Variants in CFAP57 observed in about 807,000 individuals in gnomAD.
The protein encoded by CFAP57 is cilia- and flagella-associated protein 57.
In CFAP57, 116 loss-of-function variants were observed where a neutral mutation model predicts 146.8. That is an observed-to-expected ratio of 0.79 (90% CI 0.68 to 0.92). CFAP57 has a LOEUF of 0.92. Ranked by LOEUF, CFAP57 falls within the 40% of genes least tolerant of loss-of-function variation. The pLI is 0.00. For synonymous variants in CFAP57, 518 were observed against 552.8 expected, an observed-to-expected ratio of 0.94 and a Z score of 0.88; for missense variants, 1,377 against 1,527.2, an observed-to-expected ratio of 0.90 and a Z score of 1.64.
At chr1:43,224,282 G>A in intron 17 of CFAP57, 78 bp downstream of exon 17, 1 of 1,420,668 alleles carries the variant, frequency 7.0e-7, no homozygotes, top group South Asian at 1.6e-5. Flanking sequence ...GGGGAGAGAG[G>A]GTCCCTAGCT....
At chr1:43,206,655 C>T in intron 9 of CFAP57, 65 bp from the exon 10 acceptor site, 1 of 1,579,058 alleles carries the variant, frequency 6.3e-7, no homozygotes, top group South Asian at 1.1e-5. Context: ...GAGTTTGCAC[C>T]CTTTTCTGTG....
chr1:43,210,274 A>G (rs1644545515), intron 11 of CFAP57: 2 of 1,450,984 alleles, frequency 1.4e-6, no homozygotes, highest in Admixed American at 2.6e-5. Flanking sequence ...AAGGAGCCAT[A>G]GCCCTGAAGA....
chr1:43,197,793 A>G, intron 7 of CFAP57, 101 bp downstream of exon 7: 1 of 1,502,400 alleles, frequency 6.7e-7, no homozygotes. Flanking sequence ...ATTATTTAGA[A>G]GCTTTCAGTT....
intron 18 of CFAP57, chr1:43,232,228 A>G (rs1645500864): frequency 5.0e-6 from 3 of 604,272 alleles, no homozygotes; most frequent in African/African-American, 1.9e-5. Context: ...AAAATAAAAT[A>G]ATCAGCATGG....
intron 18 of CFAP57, among the ~76,000 whole-genome samples, chr1:43,229,538 C>T (rs1427895588): frequency 1.3e-5 from 2 of 148,442 alleles, no homozygotes; most frequent in Non-Finnish European, 3.0e-5. Flanking sequence ...AGCCTCAAGC[C>T]CTTGGCTCAT....
intron 9 of CFAP57, among the ~76,000 whole-genome samples, 171 bp downstream of exon 9, chr1:43,199,674 G>T (rs1644031337): frequency 6.6e-6 from 1 of 152,234 alleles, no homozygotes; most frequent in Admixed American, 6.5e-5. Flanking sequence ...GTTACTAATT[G>T]CAGTTCCACT....
intron 8 of CFAP57, 105 bp from the exon 9 acceptor site, chr1:43,199,285 C>A: frequency 9.5e-7 from 1 of 1,049,628 alleles, no homozygotes; most frequent in East Asian, 2.4e-5. Context: ...CACCCTCACA[C>A]GTAGTTTCAG....
chr1:43,198,982 T>C (rs1643989775), intron 8 of CFAP57, among the ~76,000 whole-genome samples: 1 of 152,000 alleles, frequency 6.6e-6, no homozygotes. Flanking sequence ...GCTAAGAAGG[T>C]GAGGTTGGAG....
chr1:43,240,698 A>G (rs1420753119), intron 21 of CFAP57, among the ~76,000 whole-genome samples: 1 of 152,162 alleles, frequency 6.6e-6, no homozygotes, highest in African/African-American at 2.4e-5. Context: ...ATTTATAAAG[A>G]AGAGAGGTTT....
chr1:43,193,554 T>A (rs756822257), intron 6 of CFAP57, among the ~76,000 whole-genome samples: 2 of 152,112 alleles, frequency 1.3e-5, no homozygotes, highest in Non-Finnish European at 2.9e-5. Context: ...TAACTCATTA[T>A]AATCAGATTC....
intron 18 of CFAP57, among the ~76,000 whole-genome samples, chr1:43,230,889 A>G (rs539976977): frequency 6.6e-6 from 1 of 152,256 alleles, no homozygotes; most frequent in South Asian, 2.1e-4. Context: ...TCAGCCTTAG[A>G]TCTCTAAGTC....
rs772462502 is a variant in CFAP57 at position 43,185,318 on chromosome 1, G to A, written c.931G>A (p.Glu311Lys). ...GAGAGTTCTGCTGTTTGAGAAGATGGAAGAAAAGGATTTTTACCGTGAGAG... is the reference window on the plus strand; with the variant it reads ...GAGAGTTCTGCTGTTTGAGAAGATGAAAGAAAAGGATTTTTACCGTGAGAG... ...PGRVLLFEKMEEKDFYRESRE... is the reference protein window; with the variant it reads ...PGRVLLFEKMKEKDFYRESRE... Residue 311 changes from glutamate (E) to lysine (K), a missense_variant, in exon 5 of 23, where the codon GAA (glutamate) becomes AAA (lysine). By Grantham distance (56) the Glu-to-Lys change is moderately conservative. Coordinates refer to ENST00000372492, the MANE Select transcript of CFAP57 (RefSeq NM_001378189.1). The A allele has an allele frequency of 6.2e-6, 10 of 1,613,950 alleles. No homozygotes were observed. The highest frequency in any genetic ancestry group is 8.5e-6 in the Non-Finnish European group (10 of 1,180,026).
At chr1:43,180,788 T>G (rs1211733226) in intron 2 of CFAP57, among the ~76,000 whole-genome samples, 6 of 151,844 alleles carry the variant, frequency 4.0e-5, no homozygotes, top group African/African-American at 7.3e-5. Flanking sequence ...ACCTCTGGAG[T>G]AGAGGAGGAG....
chr1:43,181,104 C>G (rs1473921394), intron 2 of CFAP57, among the ~76,000 whole-genome samples: 1 of 152,062 alleles, frequency 6.6e-6, no homozygotes, highest in Non-Finnish European at 1.5e-5. Flanking sequence ...GACAGTCTCG[C>G]TCTGTCTCCC....
chr1:43,172,837 G>A lies in CFAP57; in HGVS notation c.84G>A (p.Gln28=), dbSNP rs1347671510. ...ACAATATCTTCTACTTCGATGAACA[G>A]ATCATTATATTTCCTTCAGGAAATC... ...VANNIFYFDE[Q]IIIFPSGNHC... The change falls in exon 2 of 23, where the codon CAG becomes CAA. Residue 28 remains glutamine, a synonymous_variant. Transcript: ENST00000372492. 1.2e-6 allele frequency: 2 copies of A among 1,614,100 alleles called. No individual in the cohort carries two copies. The highest frequency in any genetic ancestry group is 1.7e-6 in the Non-Finnish European group (2 of 1,179,966).
At chr1:43,200,622 G>A (rs947218218) in intron 9 of CFAP57, among the ~76,000 whole-genome samples, 3 of 152,190 alleles carry the variant, frequency 2.0e-5, no homozygotes, top group African/African-American at 7.2e-5. Flanking sequence ...GAAGTCAGCA[G>A]ATGAATTTGG....
intron 13 of CFAP57, among the ~76,000 whole-genome samples, chr1:43,220,257 G>C (rs1214488991): frequency 2.0e-5 from 3 of 152,070 alleles, no homozygotes; most frequent in Non-Finnish European, 4.4e-5. Context: ...GAAACGATAA[G>C]AAAAAGCAAA....
intron 22 of CFAP57, among the ~76,000 whole-genome samples, chr1:43,251,111 C>T (rs1311159847): frequency 6.6e-6 from 1 of 152,220 alleles, no homozygotes; most frequent in Admixed American, 6.5e-5. Flanking sequence ...CAGACCACAG[C>T]AACCGAGCTG....
At chr1:43,172,955 A>G (rs1645034422) in intron 2 of CFAP57, 45 bp downstream of exon 2, 3 of 1,536,550 alleles carry the variant, frequency 2.0e-6, no homozygotes, top group Non-Finnish European at 2.7e-6. Context: ...GGTATGTGCC[A>G]CATATAACCC....
Sources: gnomAD v4.1 joint callset for allele counts (sites outside exome capture counted in the v4.1 genomes callset) on GRCh38, gnomAD v4.1.1 for gene constraint, MANE v1.5 for transcripts, NCBI Gene and HGNC (gene_info 2026-07-23, HGNC 2026-07-21) for gene names.